ALPK1: variants seen among roughly 807,000 people sequenced by gnomAD.
The protein encoded by ALPK1 is alpha kinase 1, also known as alpha-protein kinase 1.
In ALPK1, 110 loss-of-function variants were observed where a neutral mutation model predicts 120.6. The ratio of observed to expected loss-of-function variants is 0.91; its 90% CI spans 0.78 to 1.07. The LOEUF is 1.07. ALPK1 is among the 50% of genes least tolerant of loss of function. The pLI, the probability that ALPK1 is intolerant of heterozygous loss-of-function variation, is 0.00. For missense variants in ALPK1, 1,498 were observed against 1,483.9 expected, an observed-to-expected ratio of 1.01 and a Z score of -0.16; for synonymous variants, 582 against 560.3, an observed-to-expected ratio of 1.04 and a Z score of -0.55.
At chr4:112,359,739 G>T in intron 2 of ALPK1, 1 of 323,868 alleles carries the variant, frequency 3.1e-6, no homozygotes, top group Non-Finnish European at 6.1e-6. Context: ...ATCTGAGTGG[G>T]GCCTCTAGGA....
At chr4:112,323,205 A>G (rs1728938012) in intron 2 of ALPK1, among the ~76,000 whole-genome samples, 1 of 152,174 alleles carries the variant, frequency 6.6e-6, no homozygotes, top group East Asian at 1.9e-4. Context: ...TCAATGTCCT[A>G]GTCGGTCTTC....
At chr4:112,322,941 T>C (rs1487057731) in intron 2 of ALPK1, among the ~76,000 whole-genome samples, 1 of 152,262 alleles carries the variant, frequency 6.6e-6, no homozygotes, top group Non-Finnish European at 1.5e-5. Flanking sequence ...GTTGTTAAAA[T>C]GCCCCATGCC....
chr4:112,409,058 G>A (rs1325887771), intron 4 of ALPK1, among the ~76,000 whole-genome samples: 1 of 152,056 alleles, frequency 6.6e-6, no homozygotes, highest in African/African-American at 2.4e-5. Context: ...ACATGGCTTG[G>A]CTATACTCTA....
chr4:112,391,499 A>T (rs149241406), intron 4 of ALPK1, among the ~76,000 whole-genome samples: 2 of 152,326 alleles, frequency 1.3e-5, no homozygotes, highest in East Asian at 1.9e-4. Flanking sequence ...AGAGGACTTT[A>T]TTTGAAAATA....
chr4:112,375,747 ATTT>A (rs369871364), intron 2 of ALPK1, among the ~76,000 whole-genome samples: 1 of 142,736 alleles, frequency 7.0e-6, no homozygotes. Flanking sequence ...TCTTCAAGAA[ATTT>A]TTTTTTTTTT....
intron 6 of ALPK1, among the ~76,000 whole-genome samples, chr4:112,424,753 T>C (rs1195602158): frequency 6.6e-6 from 1 of 152,030 alleles, no homozygotes; most frequent in Non-Finnish European, 1.5e-5. Context: ...CAGTATACAC[T>C]CTTGTCATCA....
At chr4:112,399,756 A>C (rs1326039945) in intron 4 of ALPK1, among the ~76,000 whole-genome samples, 2 of 150,750 alleles carry the variant, frequency 1.3e-5, no homozygotes, top group Non-Finnish European at 3.0e-5. Context: ...CTTGTCCTCC[A>C]CCCCTCTACA....
At chr4:112,311,471 G>A (rs1728397638) in intron 1 of ALPK1, among the ~76,000 whole-genome samples, 1 of 152,036 alleles carries the variant, frequency 6.6e-6, no homozygotes, top group African/African-American at 2.4e-5. Context: ...TGCTATGCTA[G>A]GCTGTTAGCA....
intron 2 of ALPK1, 110 bp from the exon 3 acceptor site, chr4:112,377,568 G>A (rs1482394769): frequency 4.0e-5 from 16 of 401,668 alleles, no homozygotes; most frequent in Non-Finnish European, 4.5e-6. Context: ...AAGTCCTCGG[G>A]GGCTGTCATG....
intron 2 of ALPK1, among the ~76,000 whole-genome samples, chr4:112,353,934 T>A (rs969822996): frequency 2.0e-5 from 3 of 152,212 alleles, no homozygotes; most frequent in African/African-American, 4.8e-5. Context: ...TGGTTTGAAC[T>A]TGTATTTCCT....
chr4:112,403,322 TCAGAGTGCTGGTAGAAA>T (rs1242299665), intron 4 of ALPK1, among the ~76,000 whole-genome samples: 1 of 152,118 alleles, frequency 6.6e-6, no homozygotes, highest in African/African-American at 2.4e-5. Flanking sequence ...TATTAATTTC[TCAGAGTGCTGGTAGAAA>T]CACGACAGAG....
intron 2 of ALPK1, among the ~76,000 whole-genome samples, chr4:112,342,006 C>T (rs1729883413): frequency 1.3e-5 from 2 of 152,152 alleles, no homozygotes; most frequent in South Asian, 4.1e-4. Flanking sequence ...CCTCTAGAAG[C>T]AAGCTTACAT....
chr4:112,348,405 G>GA (rs1445493686), intron 2 of ALPK1, among the ~76,000 whole-genome samples: 1 of 152,258 alleles, frequency 6.6e-6, no homozygotes, highest in African/African-American at 2.4e-5. Context: ...GCGGTGTCGA[G>GA]AGGTAAGTCA....
intron 2 of ALPK1, among the ~76,000 whole-genome samples, chr4:112,363,722 A>T (rs1322395907): frequency 6.6e-6 from 1 of 152,194 alleles, no homozygotes; most frequent in East Asian, 1.9e-4. Context: ...TTTACAGAAC[A>T]TTGTTATTGT....
intron 4 of ALPK1, among the ~76,000 whole-genome samples, chr4:112,392,547 T>C (rs1170356617): frequency 6.6e-6 from 1 of 152,198 alleles, no homozygotes; most frequent in Non-Finnish European, 1.5e-5. Flanking sequence ...TCTGAGACAG[T>C]GTATGTCTCT....
At chr4:112,426,753 G>A (rs1397654977) in intron 8 of ALPK1, among the ~76,000 whole-genome samples, 3 of 152,112 alleles carry the variant, frequency 2.0e-5, no homozygotes, top group African/African-American at 7.2e-5. Flanking sequence ...CATAGATGGT[G>A]TTCTTATAAT....
At chr4:112,435,427 C>A (rs755550158) in intron 12 of ALPK1, 126 bp downstream of exon 12, 3 of 824,794 alleles carry the variant, frequency 3.6e-6, no homozygotes, top group Non-Finnish European at 5.8e-6. Context: ...CAGATTTCTA[C>A]TCCTTTTTCT....
At chr4:112,398,269 G>A (rs1264307713) in intron 4 of ALPK1, among the ~76,000 whole-genome samples, 1 of 152,098 alleles carries the variant, frequency 6.6e-6, no homozygotes, top group East Asian at 1.9e-4. Context: ...GATTTTATTG[G>A]CCATGATAAC....
chr4:112,410,454 C>A (rs879474168), intron 4 of ALPK1, among the ~76,000 whole-genome samples: 2 of 152,218 alleles, frequency 1.3e-5, no homozygotes, highest in Admixed American at 1.3e-4. Flanking sequence ...TCACCTAGCA[C>A]TGTGCCTGGC....
Sources: allele counts gnomAD v4.1 joint callset (sites outside exome capture counted in the v4.1 genomes callset), GRCh38; gene constraint gnomAD v4.1.1; transcripts MANE v1.5; gene names NCBI Gene and HGNC (gene_info 2026-07-23, HGNC 2026-07-21).